Variants in KMT5A observed in about 807,000 individuals in gnomAD.
KMT5A encodes the protein N-lysine methyltransferase KMT5A.
Under a neutral mutation model 40.6 loss-of-function variants are expected in KMT5A, and 6 were observed. The observed-to-expected ratio is 0.15, with a 90% CI of 0.08 to 0.29. KMT5A has a LOEUF of 0.29. Ranked by LOEUF, KMT5A falls within the 10% of genes least tolerant of loss-of-function variation. The pLI, the probability that KMT5A is intolerant of heterozygous loss-of-function variation, is 1.00. For synonymous variants in KMT5A, 153 were observed against 178.8 expected, an observed-to-expected ratio of 0.86 and a Z score of 1.15; for missense variants, 308 against 459.1, an observed-to-expected ratio of 0.67 and a Z score of 3.01.
chr12:123,405,243 G>C (rs554178411), intron 7 of KMT5A, among the ~76,000 whole-genome samples, 169 bp downstream of exon 7: 1 of 152,062 alleles, frequency 6.6e-6, no homozygotes, highest in African/African-American at 2.4e-5. Flanking sequence ...GCCCAGGCTG[G>C]AGTGCAGTGG....
At chr12:123,390,405 C>T (rs1004243095) in intron 2 of KMT5A, among the ~76,000 whole-genome samples, 4 of 152,146 alleles carry the variant, frequency 2.6e-5, no homozygotes, top group African/African-American at 9.7e-5. Flanking sequence ...GGCCAGCTGT[C>T]CCCTTAGTGA....
At chr12:123,386,436 G>C (rs541468429) in intron 1 of KMT5A, among the ~76,000 whole-genome samples, 10 of 152,012 alleles carry the variant, frequency 6.6e-5, no homozygotes, top group Non-Finnish European at 1.2e-4. Flanking sequence ...GGCTAGTCTT[G>C]AACTCCTGAC....
intron 1 of KMT5A, 88 bp from the exon 2 acceptor site, chr12:123,389,327 TGCGGCGGGAGGCGCCGTC>T: frequency 1.4e-6 from 1 of 732,812 alleles, no homozygotes; most frequent in Non-Finnish European, 1.7e-6. Flanking sequence ...GAAATATGGC[TGCGGCGGGAGGCGCCGTC>T]GCGGCGCCCG....
In KMT5A at chr12:123,404,466, G is replaced by A. The variant is rs35314848; in HGVS notation, c.658-418G>A. ...TGCTGTTTGCCTAGGAAGGCATAGC[G>A]CATAGCCCCTAGACAGAGAAACCAG... On this transcript the variant is annotated intron_variant, in intron 6 of 7. Transcript: ENST00000402868. 5.4e-3 allele frequency among the ~76,000 whole-genome samples: 826 copies of A among 152,312 alleles called. 1 individual carries two copies. The highest frequency in any genetic ancestry group is 8.6e-3 in the Non-Finnish European group (588 of 68,034).
rs1348188188 is a variant in KMT5A at position 123,392,439 on chromosome 12, C to T, written c.289+1653C>T. ...TTGGTAGGCCAAGGCAGGAGGATTGCTTGAGCCCAGGAGTTTGAGACCAGC... is the reference window on the plus strand; with the variant it reads ...TTGGTAGGCCAAGGCAGGAGGATTGTTTGAGCCCAGGAGTTTGAGACCAGC... On this transcript the variant is annotated intron_variant, in intron 3 of 7. Transcript: ENST00000402868. Among the ~76,000 whole-genome samples, 7 of 152,182 alleles carry T rather than the reference C, an allele frequency of 4.6e-5. No individual in the cohort carries two copies. The East Asian group carries it at 1.4e-3, about 29-fold the overall frequency.
intron 1 of KMT5A, chr12:123,388,352 T>A (rs1234093896): frequency 6.6e-6 from 1 of 152,240 alleles, no homozygotes; most frequent in Non-Finnish European, 1.5e-5. Context: ...GTGTCTACCT[T>A]TGCAGGGCTG....
intron 7 of KMT5A, 73 bp downstream of exon 7, chr12:123,405,147 C>G (rs960160940): frequency 7.1e-7 from 1 of 1,404,438 alleles, no homozygotes; most frequent in Admixed American, 2.8e-5. Flanking sequence ...GCCAGGAACT[C>G]CTGATTCTGT....
intron 3 of KMT5A, among the ~76,000 whole-genome samples, chr12:123,393,287 G>A (rs879925124): frequency 9.2e-5 from 14 of 152,080 alleles, no homozygotes; most frequent in Non-Finnish European, 1.9e-4. Flanking sequence ...ACAGGGTTGC[G>A]CAACCATTAC....
chr12:123,396,077 C>G (rs1250882672), intron 4 of KMT5A, among the ~76,000 whole-genome samples: 1 of 151,910 alleles, frequency 6.6e-6, no homozygotes, highest in Non-Finnish European at 1.5e-5. Context: ...AACTCCTGGG[C>G]TCAAGTGATC....
chr12:123,394,881 CCT>C (rs1272709838), intron 3 of KMT5A, among the ~76,000 whole-genome samples, 164 bp from the exon 4 acceptor site: 1 of 152,178 alleles, frequency 6.6e-6, no homozygotes, highest in African/African-American at 2.4e-5. Flanking sequence ...AGGCACTCCC[CCT>C]GTCATAGCCC....
At chr12:123,394,160 A>G (rs1214233451) in intron 3 of KMT5A, among the ~76,000 whole-genome samples, 1 of 145,060 alleles carries the variant, frequency 6.9e-6, no homozygotes, top group Non-Finnish European at 1.5e-5. Context: ...TTGGAGTGCA[A>G]TGGCATGATC....
chr12:123,396,265 G>A (rs1297892964), intron 4 of KMT5A, 80 bp from the exon 5 acceptor site: 9 of 1,332,534 alleles, frequency 6.8e-6, no homozygotes, highest in Admixed American at 1.7e-5. Flanking sequence ...GTGCCTCCTC[G>A]GTGTGTGCCT....
chr12:123,406,035 G>A (rs1322739371), intron 7 of KMT5A, among the ~76,000 whole-genome samples: 2 of 151,990 alleles, frequency 1.3e-5, no homozygotes, highest in African/African-American at 4.8e-5. Flanking sequence ...TAGCCAGGAT[G>A]GTCTCAATCT....
chr12:123,397,742 C>T (rs1005365208), intron 5 of KMT5A, among the ~76,000 whole-genome samples: 1 of 150,982 alleles, frequency 6.6e-6, no homozygotes, highest in Non-Finnish European at 1.5e-5. Flanking sequence ...TCTCGACTCA[C>T]CGCAACCTCC....
At chr12:123,390,289 T>G in intron 2 of KMT5A, 1 of 386,510 alleles carries the variant, frequency 2.6e-6, no homozygotes, top group East Asian at 6.8e-5. Context: ...AGTGAACTCC[T>G]AAAGATAGCC....
In KMT5A at chr12:123,390,644, C is replaced by A. The variant is rs750081601; in HGVS notation, c.147C>A (p.Thr49=). The change falls in exon 3 of 8, where the codon ACC becomes ACA. Residue 49 remains threonine, a synonymous_variant. Coordinates refer to ENST00000402868, the MANE Select transcript of KMT5A (RefSeq NM_020382.7). ...RPRTDGENVF[T]GQSKIYSYMS... Reference sequence around the variant, plus strand: ...TGTCTTTTTAGGAGAACGTATTTACCGGGCAGTCAAAGATCTATTCCTACA... The same window carrying A: ...TGTCTTTTTAGGAGAACGTATTTACAGGGCAGTCAAAGATCTATTCCTACA... 8.7e-6 allele frequency: 14 copies of A among 1,613,730 alleles called. No individual in the cohort carries two copies. The East Asian group carries it at 2.9e-4, about 33-fold the overall frequency.
At chr12:123,407,417 A>G (rs2139212409) in intron 7 of KMT5A, 76 bp from the exon 8 acceptor site, 2 of 1,361,966 alleles carry the variant, frequency 1.5e-6, no homozygotes, top group African/African-American at 1.4e-5. Context: ...ACCAGAGCTG[A>G]GCACAAGTGT....
chr12:123,397,225 A>G lies in KMT5A; in HGVS notation c.597+793A>G, dbSNP rs28575795. 2.0e-3 allele frequency among the ~76,000 whole-genome samples: 312 copies of G among 152,374 alleles called. 3 individuals carry two copies. The highest frequency in any genetic ancestry group is 7.0e-3 in the African/African-American group (291 of 41,594). On this transcript the variant is annotated intron_variant, in intron 5 of 7. Coordinates refer to ENST00000402868, the MANE Select transcript of KMT5A (RefSeq NM_020382.7). ...GCGGCAGGCAGTCAATATTTGCTGC[A>G]GTGAGGTGTGGTTATTGCCTTTCTG...
rs1876784700 is a variant in KMT5A at position 123,384,936 on chromosome 12, C to T, written c.10+728C>T. On this transcript the variant is annotated intron_variant, in intron 1 of 7. Coordinates refer to ENST00000402868, the MANE Select transcript of KMT5A (RefSeq NM_020382.7). The surrounding 1 kb of genome is among the most constrained non-coding windows in gnomAD (Gnocchi z 5.7). Reference sequence around the variant, plus strand: ...GTCAGGACAGTGCCTCCCAGGTATGCGGCAAAGAGATCTCCAACCGCTTGG... The same window carrying T: ...GTCAGGACAGTGCCTCCCAGGTATGTGGCAAAGAGATCTCCAACCGCTTGG... Among the ~76,000 whole-genome samples, 1 of 152,050 alleles carries T rather than the reference C, an allele frequency of 6.6e-6. No individual in the cohort carries two copies. The highest frequency in any genetic ancestry group is 2.4e-5 in the African/African-American group (1 of 41,392).
Sources: gnomAD v4.1 joint callset for allele counts (sites outside exome capture counted in the v4.1 genomes callset) on GRCh38, gnomAD v4.1.1 for gene constraint, Gnocchi (gnomAD v3.1) non-coding constraint, MANE v1.5 for transcripts, NCBI Gene and HGNC (gene_info 2026-07-23, HGNC 2026-07-21) for gene names.